The following TUSC3 variants were observed in gnomAD, a reference collection of about 807,000 sequenced individuals.
The protein encoded by TUSC3 is tumor suppressor candidate 3.
A neutral mutation model predicts 44.8 loss-of-function variants in TUSC3; 45 were observed. That is an observed-to-expected ratio of 1.00 (90% CI 0.79 to 1.29). TUSC3 has a LOEUF of 1.29. Among genes scored for constraint, TUSC3 ranks in the 50% most tolerant of loss-of-function variants. The pLI, the probability that TUSC3 is intolerant of heterozygous loss-of-function variation, is 0.00. For synonymous variants in TUSC3, 212 were observed against 152.9 expected (o/e 1.39, Z -2.85); for missense variants, 519 against 437.9 (o/e 1.19, Z -1.65).
chr8:15,544,032 G>C (rs551468076), intron 1 of TUSC3, among the ~76,000 whole-genome samples: 82 of 152,208 alleles, frequency 5.4e-4, no homozygotes, highest in African/African-American at 1.9e-3. Flanking sequence ...CCCTGTTGGA[G>C]AATGTGGTTG....
chr8:15,455,925 A>T (rs1383496546), intron 1 of TUSC3, among the ~76,000 whole-genome samples: 1 of 152,214 alleles, frequency 6.6e-6, no homozygotes, highest in Non-Finnish European at 1.5e-5. Context: ...TGCAGATAAC[A>T]TCCACTACTG....
At position 15,570,954 on chromosome 8, in the gene TUSC3, G is replaced by GTTTTTT. The variant is rs549277334; in HGVS notation, c.138+30401_138+30406dup. 2.0e-3 allele frequency among the ~76,000 whole-genome samples: 90 copies of GTTTTTT among 44,486 alleles called. 19 individuals carry two copies. Among genetic ancestry groups the GTTTTTT allele is most frequent in the East Asian group, 0.019 (20 of 1,028 alleles). The allele number at this position is 44,486 out of a possible 152,430, so 29.2% of individuals were successfully genotyped here. A position where few individuals can be genotyped will look rare whatever the true frequency, so the allele number is the denominator to read the frequency against. On this transcript the variant is annotated intron_variant, in intron 1 of 10. Transcript: ENST00000503731. ...TTGCTTTCTATTCCATTGCCTATTA[G>GTTTTTT]TTTTTTTTTTTTTTTTTTTTGAGAT...
At chr8:15,645,259 C>T (rs1007449470) in intron 2 of TUSC3, among the ~76,000 whole-genome samples, 5 of 152,112 alleles carry the variant, frequency 3.3e-5, no homozygotes, top group South Asian at 2.1e-4. Context: ...TCTACCACTT[C>T]CAGAGTTTAT....
At chr8:15,479,583 C>T (rs1000108004) in intron 1 of TUSC3, among the ~76,000 whole-genome samples, 5 of 152,100 alleles carry the variant, frequency 3.3e-5, no homozygotes, top group Non-Finnish European at 7.4e-5. Context: ...TGTCAAAGAT[C>T]AGATGGTTGT....
the TUSC3 span, chr8:15,807,199 T>G: frequency 2.7e-6 from 2 of 733,706 alleles, no homozygotes; most frequent in African/African-American, 3.5e-5. Context: ...CAACCTTGCA[T>G]GCTGCGTAGC....
At chr8:15,618,874 C>T (rs1429081) in intron 1 of TUSC3, among the ~76,000 whole-genome samples, 80,990 of 151,924 alleles carry the variant, frequency 0.53, 21,726 homozygotes, top group East Asian at 0.58. Flanking sequence ...CAGTATTAGG[C>T]GGTAAGAATT....
chr8:15,604,175 CAT>C (rs771279693), intron 1 of TUSC3, among the ~76,000 whole-genome samples: 18 of 151,544 alleles, frequency 1.2e-4, no homozygotes, highest in South Asian at 2.1e-4. Flanking sequence ...AAATTAAAGA[CAT>C]ATGTAACATT....
chr8:15,583,148 A>T (rs1470816389), intron 1 of TUSC3, among the ~76,000 whole-genome samples: 1 of 152,226 alleles, frequency 6.6e-6, no homozygotes, highest in East Asian at 1.9e-4. Flanking sequence ...GTTCTAAACA[A>T]ATCTAATGCA....
At chr8:15,586,992 A>C (rs1803629414) in intron 1 of TUSC3, among the ~76,000 whole-genome samples, 1 of 152,070 alleles carries the variant, frequency 6.6e-6, no homozygotes, top group Non-Finnish European at 1.5e-5. Flanking sequence ...TGGTTGGGGG[A>C]TTACACTTTG....
chr8:15,596,117 C>T (rs922722200), intron 1 of TUSC3, among the ~76,000 whole-genome samples: 7 of 152,080 alleles, frequency 4.6e-5, no homozygotes, highest in African/African-American at 9.7e-5. Flanking sequence ...TTACAAGAGG[C>T]GTTAACAAAT....
chr8:15,585,921 A>G (rs1803581840), intron 1 of TUSC3, among the ~76,000 whole-genome samples: 1 of 152,148 alleles, frequency 6.6e-6, no homozygotes, highest in Non-Finnish European at 1.5e-5. Flanking sequence ...TAAAGCCATG[A>G]AAGTAGATGG....
chr8:15,436,235 A>G (rs1177735403), intron 1 of TUSC3, among the ~76,000 whole-genome samples: 3 of 152,166 alleles, frequency 2.0e-5, no homozygotes, highest in African/African-American at 7.2e-5. Flanking sequence ...TAGAAGTCAT[A>G]CAGTCACATC....
intron 2 of TUSC3, 144 bp downstream of exon 2, chr8:15,623,393 A>C (rs1385740308): frequency 3.3e-6 from 3 of 897,794 alleles, no homozygotes; most frequent in African/African-American, 3.4e-5. Flanking sequence ...TAAGCTGAAA[A>C]ATCAGTGTAT....
intron 1 of TUSC3, among the ~76,000 whole-genome samples, chr8:15,581,154 G>A (rs2129146612): frequency 8.1e-6 from 1 of 122,962 alleles, no homozygotes; most frequent in African/African-American, 3.4e-5. Context: ...CTCGAGCCTT[G>A]GTTTTCAGCT....
intron 5 of TUSC3, among the ~76,000 whole-genome samples, chr8:15,671,025 C>A (rs983062487): frequency 1.3e-5 from 2 of 151,936 alleles, no homozygotes; most frequent in African/African-American, 4.8e-5. Context: ...CAGAGGCTCA[C>A]AGCTAATACC....
intron 1 of TUSC3, among the ~76,000 whole-genome samples, chr8:15,551,482 C>G (rs1285107790): frequency 6.6e-6 from 1 of 151,564 alleles, no homozygotes; most frequent in African/African-American, 2.4e-5. Flanking sequence ...TGGGGGGTAA[C>G]AAAAACTAAT....
At chr8:15,483,912 C>A (rs1800700815) in intron 2 of TUSC3, among the ~76,000 whole-genome samples, 1 of 152,008 alleles carries the variant, frequency 6.6e-6, no homozygotes, top group East Asian at 1.9e-4. Flanking sequence ...CCACCTTGGC[C>A]TCCCAAAGTG....
chr8:15,758,492 C>A lies in TUSC3; in HGVS notation c.*46+637C>A, dbSNP rs189712098. Among the ~76,000 whole-genome samples the A allele has an allele frequency of 1.6e-4, 24 of 151,958 alleles. No individual in the cohort carries two copies. In the East Asian group the frequency reaches 4.3e-3, roughly 27 times the overall value. On this transcript the variant is annotated intron_variant, in intron 10 of 10. Transcript: ENST00000503731. ...TTGATTCCACACTGCACATCCCACCCCCTCAAGACCAGAGAACACAGGGTC... is the reference window on the plus strand; with the variant it reads ...TTGATTCCACACTGCACATCCCACCACCTCAAGACCAGAGAACACAGGGTC...
At chr8:15,763,555 G>C (rs1046263903) in intron 10 of TUSC3, among the ~76,000 whole-genome samples, 2 of 152,030 alleles carry the variant, frequency 1.3e-5, no homozygotes, top group East Asian at 1.9e-4. Flanking sequence ...GAAAGGTACA[G>C]ATGTAAACAA....
Sources: allele counts gnomAD v4.1 joint callset (sites outside exome capture counted in the v4.1 genomes callset), GRCh38; gene constraint gnomAD v4.1.1; transcripts MANE v1.5; gene names NCBI Gene and HGNC (gene_info 2026-07-23, HGNC 2026-07-21).